The following EIF2AK1 variants were observed in gnomAD, a reference collection of about 807,000 sequenced individuals.
The protein encoded by EIF2AK1 is eukaryotic translation initiation factor 2-alpha kinase 1.
A neutral mutation model predicts 77.9 loss-of-function variants in EIF2AK1; 54 were observed. The ratio of observed to expected loss-of-function variants is 0.69; its 90% confidence interval spans 0.56 to 0.87. The LOEUF (loss-of-function observed/expected upper bound fraction) is 0.87. EIF2AK1 is among the 40% of genes least tolerant of loss of function. The probability of loss-of-function intolerance (pLI) is 0.00; values close to 1 mark genes in which losing one functional copy is unlikely to be tolerated. For synonymous variants in EIF2AK1, 314 were observed against 290.5 expected (o/e 1.08, Z -0.82); for missense variants, 810 against 768.6 (o/e 1.05, Z -0.64).
chr7:6,054,784 G>C, intron 1 of EIF2AK1, 80 bp from the exon 2 acceptor site: 1 of 1,332,590 alleles, frequency 7.5e-7, no homozygotes, highest in South Asian at 1.3e-5. Flanking sequence ...TCTAATTAAT[G>C]AAACATGAAA....
rs559505366 is a variant in EIF2AK1 at position 6,032,929 on chromosome 7, G to T, written c.1333-3897C>A. 4 of 1,550,156 alleles carry T rather than the reference G, an allele frequency of 2.6e-6. No homozygotes were observed. The South Asian group carries it at 4.8e-5, about 18-fold the overall frequency. ...CCTGTTACGGCACGGTGCTGACCCAGAAGTCAGGTAAGTTAACTCCACCGA... is the reference window on the plus strand; with the variant it reads ...CCTGTTACGGCACGGTGCTGACCCATAAGTCAGGTAAGTTAACTCCACCGA... On this transcript the variant is annotated intron_variant, in intron 11 of 14. Coordinates refer to ENST00000199389, the MANE Select transcript of EIF2AK1 (RefSeq NM_014413.4). This position sits in a 1 kb window ranked among gnomAD's most constrained non-coding sequence, Gnocchi z 4.3.
chr7:6,037,459 T>C lies in EIF2AK1; in HGVS notation c.1297A>G (p.Ile433Val). ...CGGTGCACAATTCCCATGTTATGTATGTAAAACACACCTTCTACCAATTCT... is the reference window on the plus strand; with the variant it reads ...CGGTGCACAATTCCCATGTTATGTACGTAAAACACACCTTCTACCAATTCT... ...FQELVEGVFY[I>V]HNMGIVHRDL... Residue 433 changes from isoleucine (I) to valine (V), a missense_variant, in exon 11 of 15, where the codon ATA becomes GTA. Around this residue, in one of 3 missense-constraint regions of EIF2AK1, gnomAD observed 549 missense variants for 533.7 expected, o/e 1.03. Transcript: ENST00000199389. 2 of 1,613,640 alleles carry C rather than the reference T, an allele frequency of 1.2e-6. No homozygotes were observed. The highest frequency in any genetic ancestry group is 1.7e-6 in the Non-Finnish European group (2 of 1,179,784).
chr7:6,046,835 G>A (rs896967364), intron 5 of EIF2AK1, 157 bp downstream of exon 5: 7 of 582,452 alleles, frequency 1.2e-5, no homozygotes, highest in African/African-American at 1.2e-4. Flanking sequence ...CAGGGAGTCA[G>A]AGGTTGCAGT....
chr7:6,034,924 G>A (rs939980000), intron 11 of EIF2AK1, among the ~76,000 whole-genome samples: 10 of 152,154 alleles, frequency 6.6e-5, no homozygotes, highest in African/African-American at 1.9e-4. Flanking sequence ...TCGGGTAGGA[G>A]AGCAGAGACA....
rs745645518 is a variant in EIF2AK1, at chr7:6,026,968, A to G, written c.1531-7T>C. The G allele has an allele frequency of 1.9e-6, 3 of 1,607,968 alleles. No individual in the cohort carries two copies. The highest frequency in any genetic ancestry group is 2.2e-5 in the East Asian group (1 of 44,852). ...CCAAGCTGTACATATCTGACTGGAAAAAGAAAAAAAGGGGAACTCAGTAGT... is the reference window on the plus strand; with the variant it reads ...CCAAGCTGTACATATCTGACTGGAAGAAGAAAAAAAGGGGAACTCAGTAGT... On this transcript the variant is annotated splice_polypyrimidine_tract_variant and splice_region_variant and intron_variant, in intron 13 of 14. Transcript: ENST00000199389.
At chr7:6,038,286 T>C (rs746990295) in intron 10 of EIF2AK1, among the ~76,000 whole-genome samples, 28 of 152,018 alleles carry the variant, frequency 1.8e-4, no homozygotes, top group Non-Finnish European at 3.8e-4. Flanking sequence ...TTTTTCAAAA[T>C]CAGCCAGACA....
chr7:6,036,038 T>C lies in EIF2AK1; in HGVS notation c.1332+1386A>G, dbSNP rs1788075479. The C allele has an allele frequency of 1.3e-6, 2 of 1,550,948 alleles. No individual in the cohort carries two copies. The highest frequency in any genetic ancestry group is 1.7e-6 in the Non-Finnish European group (2 of 1,147,134). ...ATCTCCTGCTTGAATTTGAAGCAAA[T>C]GTTAACATTTTAACAAGAAACGGGG... On this transcript the variant is annotated intron_variant, in intron 11 of 14. Coordinates refer to ENST00000199389, the MANE Select transcript of EIF2AK1 (RefSeq NM_014413.4). The surrounding 1 kb of genome is among the most constrained non-coding windows in gnomAD (Gnocchi z 4.6).
chr7:6,045,290 G>C (rs770621921), intron 6 of EIF2AK1, among the ~76,000 whole-genome samples: 6 of 152,050 alleles, frequency 3.9e-5, no homozygotes, highest in East Asian at 3.9e-4. Flanking sequence ...GTTTTTAGTA[G>C]AGACAGGGTT....
At chr7:6,037,361 A>T (rs1194096083) in intron 11 of EIF2AK1, 63 bp downstream of exon 11, 3 of 1,052,462 alleles carry the variant, frequency 2.9e-6, no homozygotes, top group Non-Finnish European at 4.4e-6. Context: ...TAATCAACCA[A>T]CATCAAGTCG....
chr7:6,029,242 G>C (rs1280060684), intron 11 of EIF2AK1, among the ~76,000 whole-genome samples: 1 of 152,178 alleles, frequency 6.6e-6, no homozygotes, highest in Non-Finnish European at 1.5e-5. Context: ...GCTCATGCCT[G>C]TAATCCCAGC....
rs1000547793 is a variant in EIF2AK1 at position 6,027,020 on chromosome 7, C to T, written c.1531-59G>A. ...AAATACAAAGTTAGAAGAACGTTTC[C>T]ATTTCCGTGTTCCACCCTCCAAACA... is the stretch of plus-strand genomic sequence containing the variant. On this transcript the variant is annotated intron_variant, in intron 13 of 14. Transcript: ENST00000199389. The surrounding 1 kb of genome is among the most constrained non-coding windows in gnomAD (Gnocchi z 4.5). 7.1e-7 allele frequency: 1 copy of T among 1,417,950 alleles called. No homozygotes were observed. The highest frequency in any genetic ancestry group is 1.4e-5 in the African/African-American group (1 of 70,770). 87.8% of individuals were successfully genotyped at this position (1,417,950 alleles called of 1,614,324 possible). A position where few individuals can be genotyped will look rare whatever the true frequency, so the allele number is the denominator to read the frequency against.
In EIF2AK1 at chr7:6,046,120, G is replaced by C; in HGVS notation, c.581C>G (p.Ala194Gly). 1.3e-6 allele frequency: 2 copies of C among 1,567,318 alleles called. No homozygotes were observed. Among genetic ancestry groups the C allele is most frequent in the Non-Finnish European group, 1.7e-6 (2 of 1,158,872 alleles). The part of the protein sequence containing the change: ...VRNKLDGQYY[A>G]IKKILIKGAT... ...ACCCTTAATCAGGATTTTTTTTATT[G>C]CATAATACTGACCATCTAATTTATT... The change falls in exon 6 of 15, where the codon GCA becomes GGA. Residue 194 changes from alanine to glycine, a missense_variant. Physicochemically the swap from Ala to Gly is moderately conservative, Grantham distance 60. This residue lies in a region of EIF2AK1 where 549 missense variants were observed against 533.7 expected (regional missense o/e 1.03). Coordinates refer to ENST00000199389, the MANE Select transcript of EIF2AK1 (RefSeq NM_014413.4).
chr7:6,055,847 C>T (rs545658297), intron 1 of EIF2AK1, among the ~76,000 whole-genome samples: 9 of 150,092 alleles, frequency 6.0e-5, no homozygotes, highest in Middle Eastern at 3.5e-3. Flanking sequence ...GGCGTGGTGG[C>T]GCATGCCTGT....
Position 6,035,970 on chromosome 7 carries a change from G to A in EIF2AK1, c.1332+1454C>T. The A allele has an allele frequency of 6.5e-7, 1 of 1,550,232 alleles. No homozygotes were observed. Among genetic ancestry groups the A allele is most frequent in the Middle Eastern group, 1.7e-4 (1 of 5,996 alleles). On this transcript the variant is annotated intron_variant, in intron 11 of 14. Coordinates refer to ENST00000199389, the MANE Select transcript of EIF2AK1 (RefSeq NM_014413.4). This position sits in a 1 kb window ranked among gnomAD's most constrained non-coding sequence, Gnocchi z 5.5. ...CGCCCAGGACTACAAGGGCCAAACA[G>A]CCATCCATGAGGCATGCTTTGGAGG...
intron 14 of EIF2AK1, among the ~76,000 whole-genome samples, chr7:6,025,653 T>G (rs953350258): frequency 1.2e-4 from 18 of 152,344 alleles, no homozygotes; most frequent in African/African-American, 4.1e-4. Flanking sequence ...CTATTTATAT[T>G]GAGACGGAGT....
chr7:6,059,103 G>GCAGCCCAGCCCGCCGGC lies in EIF2AK1; in HGVS notation c.-37_-21dup, dbSNP rs977996950. On this transcript the variant is annotated 5_prime_UTR_variant, in exon 1 of 15. Transcript: ENST00000199389. ...CTGCATCGCCGGCCGCGCGCGGGCC[G>GCAGCCCAGCCCGCCGGC]CAGCCCAGCCCGCCGGCCAGCCCAG... 1.5e-5 allele frequency: 21 copies of GCAGCCCAGCCCGCCGGC among 1,357,566 alleles called. No individual in the cohort carries two copies. The Admixed American group carries it at 3.2e-4, about 21-fold the overall frequency. The allele number at this position is 1,357,566 out of a possible 1,614,324, so 84.1% of individuals were successfully genotyped here. A position where few individuals can be genotyped will look rare whatever the true frequency, so the allele number is the denominator to read the frequency against.
chr7:6,044,940 G>A (rs962122987), intron 6 of EIF2AK1, among the ~76,000 whole-genome samples: 1 of 151,980 alleles, frequency 6.6e-6, no homozygotes, highest in Non-Finnish European at 1.5e-5. Context: ...AGGTAGGCAG[G>A]GTAAGCTATA....
chr7:6,040,811 TGA>T (rs757973147), intron 9 of EIF2AK1, 79 bp downstream of exon 9: 9 of 1,190,090 alleles, frequency 7.6e-6, no homozygotes, highest in Non-Finnish European at 9.7e-6. Flanking sequence ...GCGCCAGAGC[TGA>T]GAGAGGGCGA....
At chr7:6,040,331 G>A (rs575798173) in intron 9 of EIF2AK1, among the ~76,000 whole-genome samples, 11 of 152,230 alleles carry the variant, frequency 7.2e-5, no homozygotes, top group African/African-American at 2.4e-4. Flanking sequence ...GGGATTACAG[G>A]CGTGAGCCAC....
Sources: allele counts gnomAD v4.1 joint callset (sites outside exome capture counted in the v4.1 genomes callset), GRCh38; gene constraint gnomAD v4.1.1; regional missense constraint gnomAD v4.1.1; non-coding constraint Gnocchi (gnomAD v3.1); transcripts MANE v1.5; gene names NCBI Gene and HGNC (gene_info 2026-07-23, HGNC 2026-07-21).